Variants in CEP295 observed in about 807,000 individuals in gnomAD.
CEP295 encodes centrosomal protein 295.
In CEP295, 190 loss-of-function variants were observed where a neutral mutation model predicts 291.6. The ratio of observed to expected loss-of-function variants is 0.65; its 90% confidence interval spans 0.58 to 0.73. The LOEUF (loss-of-function observed/expected upper bound fraction) is 0.73. CEP295 is among the 30% of genes least tolerant of loss of function. CEP295 has a pLI of 0.00. For synonymous variants in CEP295, 993 were observed against 1,038.8 expected (o/e 0.96, Z 0.85); for missense variants, 2,863 against 2,949.4 (o/e 0.97, Z 0.68).
Position 93,696,760 on chromosome 11 carries a change from G to A in CEP295, c.1848G>A (p.Ser616=), listed in dbSNP as rs185448327. 417 of 1,551,452 alleles carry A rather than the reference G, an allele frequency of 2.7e-4. 3 individuals are homozygous for A. In the African/African-American group the frequency reaches 4.6e-3, roughly 17 times the overall value. The change falls in exon 15 of 30, where the codon TCG becomes TCA. Residue 616 remains serine, a synonymous_variant. Coordinates refer to ENST00000325212, the MANE Select transcript of CEP295 (RefSeq NM_033395.2). ...YQTMLKGRCP[S]VSAPSLITDS... ...CTATGTTAAAAGGAAGGTGCCCATC[G>A]GTGTCAGCTCCATCATTGATAACTG... is the stretch of plus-strand genomic sequence containing the variant.
At position 93,698,228 on chromosome 11, in the gene CEP295, G is replaced by A. The variant is rs2135111128; in HGVS notation, c.3316G>A (p.Val1106Ile). Residue 1106 changes from valine (V) to isoleucine (I), a missense_variant, in exon 15 of 30, where the codon GTT becomes ATT. Transcript: ENST00000325212. The part of the protein sequence containing the change: ...LVSSSSSPVV[V>I]QHSVASQASA... The stretch of plus-strand genomic sequence containing the variant: ...GAGCTCTTCATCCTCACCAGTGGTT[G>A]TTCAGCATTCAGTTGCTTCACAAGC... The A allele has an allele frequency of 6.4e-7, 1 of 1,551,864 alleles. No homozygotes were observed. Among genetic ancestry groups the A allele is most frequent in the Admixed American group, 2.0e-5 (1 of 50,996 alleles).
At chr11:93,670,179 T>C (rs967125250) in intron 5 of CEP295, among the ~76,000 whole-genome samples, 2 of 152,086 alleles carry the variant, frequency 1.3e-5, no homozygotes, top group African/African-American at 2.4e-5. Flanking sequence ...ACTAAACTAT[T>C]CGTCCATTAG....
chr11:93,674,510 A>G (rs553641695), intron 5 of CEP295, among the ~76,000 whole-genome samples: 1 of 152,318 alleles, frequency 6.6e-6, no homozygotes, highest in South Asian at 2.1e-4. Context: ...TGCAGAGTAC[A>G]ATGCCACTGT....
chr11:93,727,776 C>A, intron 24 of CEP295, 139 bp downstream of exon 24: 1 of 680,260 alleles, frequency 1.5e-6, no homozygotes, highest in Non-Finnish European at 2.4e-6. Context: ...GATCCTCCTG[C>A]CTCAACTTCC....
chr11:93,680,714 T>TTTAGCTTAACTTC (rs1950919721), intron 7 of CEP295, among the ~76,000 whole-genome samples: 1 of 152,250 alleles, frequency 6.6e-6, no homozygotes, highest in Non-Finnish European at 1.5e-5. Flanking sequence ...GCTTTATAGT[T>TTTAGCTTAACTTC]TTAGCTTAAC....
At chr11:93,672,242 G>A (rs1230800875) in intron 5 of CEP295, among the ~76,000 whole-genome samples, 4 of 152,108 alleles carry the variant, frequency 2.6e-5, no homozygotes, top group African/African-American at 7.2e-5. Context: ...AACTGTTCAA[G>A]TTAACTACTT....
rs541011170 is a variant in CEP295, at chr11:93,722,617, C to T, written c.5948-424C>T. 212 of 161,812 alleles carry T rather than the reference C, an allele frequency of 1.3e-3. 1 individual carries two copies. Among genetic ancestry groups the T allele is most frequent in the South Asian group, 6.2e-3 (35 of 5,662 alleles). The allele number at this position is 161,812 out of a possible 1,614,324, so 10.0% of individuals were successfully genotyped here. A position where few individuals can be genotyped will look rare whatever the true frequency, so the allele number is the denominator to read the frequency against. ...TTTTTCCATTCAGTGGAAACCTATC[C>T]GAGCAAATTTCATGGTTGCACTGAT... On this transcript the variant is annotated intron_variant, in intron 20 of 29. Transcript: ENST00000325212.
intron 17 of CEP295, among the ~76,000 whole-genome samples, chr11:93,705,717 A>G (rs111845046): frequency 4.6e-5 from 7 of 152,126 alleles, no homozygotes; most frequent in African/African-American, 1.4e-4. Context: ...CTTATACTTT[A>G]GAACCTTTCC....
chr11:93,684,219 A>G (rs1224886322), intron 9 of CEP295, 91 bp downstream of exon 9: 10 of 1,092,780 alleles, frequency 9.2e-6, no homozygotes, highest in African/African-American at 4.8e-5. Flanking sequence ...CTGGTCTGAT[A>G]TAAGTGCAAG....
Position 93,697,028 on chromosome 11 carries a change from T to G in CEP295, c.2116T>G (p.Ser706Ala). The G allele has an allele frequency of 6.4e-7, 1 of 1,551,538 alleles. No individual in the cohort carries two copies. Residue 706 changes from serine (S) to alanine (A), a missense_variant, in exon 15 of 30, where the codon TCA (serine) becomes GCA (alanine). Around this residue, in one of 3 missense-constraint regions of CEP295, gnomAD observed 2,295 missense variants for 2,335.7 expected, o/e 0.98. Coordinates refer to ENST00000325212, the MANE Select transcript of CEP295 (RefSeq NM_033395.2). ...SDILTNQALESQEHLRQFSQT... is the reference protein window; with the variant it reads ...SDILTNQALEAQEHLRQFSQT... Reference sequence around the variant, plus strand: ...TATTTTAACCAATCAAGCTTTAGAATCACAAGAACATCTAAGGCAATTCTC... The same window carrying G: ...TATTTTAACCAATCAAGCTTTAGAAGCACAAGAACATCTAAGGCAATTCTC...
chr11:93,697,428 A>G lies in CEP295; in HGVS notation c.2516A>G (p.Asn839Ser), dbSNP rs1022963504. The part of the protein sequence containing the change: ...MHDRPLLPSE[N>S]ITAQQGNMKA... Reference sequence around the variant, plus strand: ...GATAGGCCTTTGCTGCCGTCAGAGAATATCACAGCCCAGCAAGGTAATATG... The same window carrying G: ...GATAGGCCTTTGCTGCCGTCAGAGAGTATCACAGCCCAGCAAGGTAATATG... Residue 839 changes from asparagine to serine, a missense_variant, in exon 15 of 30, where the codon AAT (asparagine) becomes AGT (serine). Physicochemically the swap from Asn to Ser is conservative, Grantham distance 46 (BLOSUM62 1). Around this residue, in one of 3 missense-constraint regions of CEP295, gnomAD observed 2,295 missense variants for 2,335.7 expected, o/e 0.98. Coordinates refer to ENST00000325212, the MANE Select transcript of CEP295 (RefSeq NM_033395.2). 1 of 1,552,234 alleles carries G rather than the reference A, an allele frequency of 6.4e-7. No individual in the cohort carries two copies. The highest frequency in any genetic ancestry group is 2.4e-5 in the East Asian group (1 of 40,926).
chr11:93,692,015 A>C lies in CEP295; in HGVS notation c.1518A>C (p.Ser506=). Reference sequence around the variant, plus strand: ...AAGCAGCAGCCAGGATTAGAATGTCAGCAAGGCAGAAACAGGTAATTTGAA... The same window carrying C: ...AAGCAGCAGCCAGGATTAGAATGTCCGCAAGGCAGAAACAGGTAATTTGAA... The part of the protein sequence containing the change: ...PQEAAARIRM[S]ARQKQIMEIE... The change falls in exon 12 of 30, where the codon TCA becomes TCC. Residue 506 remains serine, a synonymous_variant. Transcript: ENST00000325212. The C allele has an allele frequency of 6.7e-7, 1 of 1,499,284 alleles. No homozygotes were observed. The allele number at this position is 1,499,284 out of a possible 1,614,324, so 92.9% of individuals were successfully genotyped here.
Position 93,699,060 on chromosome 11 carries a change from G to A in CEP295, c.4148G>A (p.Trp1383Ter). 6.5e-7 allele frequency: 1 copy of A among 1,546,160 alleles called. No individual in the cohort carries two copies. Residue 1383 changes from tryptophan (W) to a stop codon, truncating the protein, a stop_gained, in exon 15 of 30, where the codon TGG becomes TAG. Transcript: ENST00000325212. LOFTEE classifies it high-confidence loss of function. ...REELLLHQSEWEGRISPEQVD... is the reference protein window; with the variant it reads ...REELLLHQSE ...GAATTACTTTTACATCAGAGTGAAT[G>A]GGAGGGAAGAATATCTCCCGAGCAG...
chr11:93,698,799 T>C lies in CEP295; in HGVS notation c.3887T>C (p.Val1296Ala), dbSNP rs1486975673. 1 of 1,551,726 alleles carries C rather than the reference T, an allele frequency of 6.4e-7. No homozygotes were observed. Among genetic ancestry groups the C allele is most frequent in the Non-Finnish European group, 8.7e-7 (1 of 1,146,988 alleles). The change falls in exon 15 of 30, where the codon GTA becomes GCA. Residue 1296 changes from valine to alanine, a missense_variant. Val to Ala is a moderately conservative substitution (Grantham distance 64). Transcript: ENST00000325212. ...TCATCTTCATTCATACCCCAGTTGG[T>C]ACAGCTTTCATTTACTTCGTTAGCT... ...TGSSSFIPQL[V>A]QLSFTSLASA...
rs1269036947 is a variant in CEP295, at chr11:93,696,698, G to A, written c.1786G>A (p.Val596Ile). The change falls in exon 15 of 30, where the codon GTT (valine) becomes ATT (isoleucine). Residue 596 changes from valine to isoleucine, a missense_variant. Physicochemically the swap from Val to Ile is conservative, Grantham distance 29 (BLOSUM62 3). Transcript: ENST00000325212. ...TTTTGGTAGGTTACACAGGCAGTCT[G>A]TTGAAACAGCCAGGAAACAATTACT... ...LQQNRLHRQSVETARKQLLEY... is the reference protein window; with the variant it reads ...LQQNRLHRQSIETARKQLLEY... 2.6e-6 allele frequency: 4 copies of A among 1,548,200 alleles called. No individual in the cohort carries two copies. The highest frequency in any genetic ancestry group is 4.0e-5 in the Admixed American group (2 of 50,504).
intron 10 of CEP295, 29 bp from the exon 11 acceptor site, chr11:93,691,654 C>A (rs1951558678): frequency 1.5e-6 from 2 of 1,363,614 alleles, no homozygotes; most frequent in Non-Finnish European, 2.0e-6. Context: ...ATTATATATT[C>A]AAAATAACAG....
chr11:93,691,686 T>C lies in CEP295; in HGVS notation c.1340T>C (p.Val447Ala). ...RTLSSGQEQVVESDTLTIESG... is the reference protein window; with the variant it reads ...RTLSSGQEQVAESDTLTIESG... Reference sequence around the variant, plus strand: ...ACAGTGGTATTATCTATTACAGTTGTTGAAAGTGATACACTAACAATTGAG... The same window carrying C: ...ACAGTGGTATTATCTATTACAGTTGCTGAAAGTGATACACTAACAATTGAG... The change falls in exon 11 of 30, where the codon GTT becomes GCT. Residue 447 changes from valine to alanine, a missense_variant. By Grantham distance (64) the Val-to-Ala change is moderately conservative (BLOSUM62 0). This residue lies in a region of CEP295 where 554 missense variants were observed against 576.0 expected (regional missense o/e 0.96). Transcript: ENST00000325212. The C allele has an allele frequency of 6.5e-7, 1 of 1,529,370 alleles. No homozygotes were observed. Among genetic ancestry groups the C allele is most frequent in the Non-Finnish European group, 8.8e-7 (1 of 1,130,544 alleles). 94.7% of individuals were successfully genotyped at this position (1,529,370 alleles called of 1,614,324 possible). A position where few individuals can be genotyped will look rare whatever the true frequency, so the allele number is the denominator to read the frequency against.
intron 9 of CEP295, among the ~76,000 whole-genome samples, chr11:93,685,593 A>G (rs10765632): frequency 0.96 from 145,758 of 152,340 alleles, 70,067 homozygotes; most frequent in East Asian, 1. Flanking sequence ...GCATAAGCTT[A>G]GCAGAAGATG....
intron 12 of CEP295, among the ~76,000 whole-genome samples, chr11:93,695,035 GTTGT>G (rs1951782484): frequency 6.6e-6 from 1 of 152,176 alleles, no homozygotes; most frequent in South Asian, 2.1e-4. Context: ...GACACAGAAT[GTTGT>G]TCATTGCTTC....
Sources: gnomAD v4.1 joint callset for allele counts (sites outside exome capture counted in the v4.1 genomes callset) on GRCh38, gnomAD v4.1.1 for gene constraint, gnomAD v4.1.1 regional missense constraint, MANE v1.5 for transcripts, NCBI Gene and HGNC (gene_info 2026-07-23, HGNC 2026-07-21) for gene names.